CACNB4: variants seen among roughly 807,000 people sequenced by gnomAD.
CACNB4 encodes voltage-dependent L-type calcium channel subunit beta-4.
In CACNB4, 32 loss-of-function variants were observed where a neutral mutation model predicts 71.2. That is an observed-to-expected ratio of 0.45 (90% CI 0.34 to 0.60). The LOEUF (loss-of-function observed/expected upper bound fraction) is 0.60. CACNB4 is among the 20% of genes least tolerant of loss of function. The pLI, the probability that CACNB4 is intolerant of heterozygous loss-of-function variation, is 0.01. For synonymous variants in CACNB4, 231 were observed against 236.9 expected (o/e 0.97, Z 0.23); for missense variants, 464 against 647.9 (o/e 0.72, Z 3.08).
chr2:152,029,576 A>T (rs1401709253), intron 2 of CACNB4, among the ~76,000 whole-genome samples: 1 of 152,062 alleles, frequency 6.6e-6, no homozygotes, highest in Non-Finnish European at 1.5e-5. Flanking sequence ...ACATGAAGAC[A>T]CAGCAGGAAG....
intron 2 of CACNB4, among the ~76,000 whole-genome samples, chr2:151,927,196 C>T (rs1479675715): frequency 1.3e-5 from 2 of 152,062 alleles, no homozygotes; most frequent in African/African-American, 4.8e-5. Flanking sequence ...GATTTTCTAA[C>T]ATGGGAGAAA....
intron 2 of CACNB4, among the ~76,000 whole-genome samples, chr2:151,952,415 G>A (rs1454964349): frequency 6.6e-6 from 1 of 152,104 alleles, no homozygotes; most frequent in Admixed American, 6.5e-5. Context: ...GCACAATCTA[G>A]AAAAGACTCT....
chr2:151,943,869 A>T (rs2099864879), intron 2 of CACNB4, among the ~76,000 whole-genome samples: 1 of 152,138 alleles, frequency 6.6e-6, no homozygotes, highest in South Asian at 2.1e-4. Context: ...ATTATTAGAG[A>T]CTCCAATTTT....
intron 2 of CACNB4, among the ~76,000 whole-genome samples, chr2:151,928,161 G>C (rs985877632): frequency 2.0e-5 from 3 of 152,156 alleles, no homozygotes; most frequent in African/African-American, 7.2e-5. Flanking sequence ...AGTATGAACA[G>C]CTATCTATTT....
At chr2:151,956,140 T>A (rs62175749) in intron 2 of CACNB4, among the ~76,000 whole-genome samples, 4,381 of 152,354 alleles carry the variant, frequency 0.029, 64 homozygotes, top group African/African-American at 0.039. Context: ...AAACACCTTG[T>A]ATCTTCGATA....
chr2:151,950,138 A>C (rs2099866574), intron 2 of CACNB4, among the ~76,000 whole-genome samples: 2 of 152,168 alleles, frequency 1.3e-5, no homozygotes, highest in Admixed American at 1.3e-4. Flanking sequence ...ACAAGGCCAG[A>C]GAGATAGAGA....
intron 2 of CACNB4, among the ~76,000 whole-genome samples, chr2:151,941,767 A>G (rs748380668): frequency 2.0e-5 from 3 of 152,216 alleles, no homozygotes; most frequent in Non-Finnish European, 4.4e-5. Flanking sequence ...AAACAATGCA[A>G]AGCACCTTAA....
intron 2 of CACNB4, among the ~76,000 whole-genome samples, chr2:152,007,600 T>C (rs1001514179): frequency 6.6e-6 from 1 of 152,356 alleles, no homozygotes. Context: ...TATCCTACAT[T>C]TTCTTTAGCC....
intron 2 of CACNB4, among the ~76,000 whole-genome samples, chr2:152,005,908 AATAT>A (rs750269977): frequency 2.0e-5 from 3 of 152,224 alleles, no homozygotes; most frequent in Non-Finnish European, 4.4e-5. Flanking sequence ...TGAAGGAGAT[AATAT>A]ATGCAAAATG....
At chr2:151,936,516 T>C (rs1462240852) in intron 2 of CACNB4, 1 of 152,258 alleles carries the variant, frequency 6.6e-6, no homozygotes, top group East Asian at 1.9e-4. Context: ...TAAAAGGCTG[T>C]GTCATGTTGT....
Position 152,098,428 on chromosome 2 carries a change from CG to C in CACNB4, c.64-16del, listed in dbSNP as rs571944994. Reference sequence around the variant, plus strand: ...CCTCGGGCCACCTGGACTCGACACACGGGGGCCAGAGAGAAGCCGGTGAGGA... The same window carrying C: ...CCTCGGGCCACCTGGACTCGACACACGGGGCCAGAGAGAAGCCGGTGAGGA... On this transcript the variant is annotated splice_polypyrimidine_tract_variant and intron_variant, in intron 1 of 13. Coordinates refer to ENST00000539935, the MANE Select transcript of CACNB4 (RefSeq NM_000726.5). The surrounding 1 kb of genome is among the most constrained non-coding windows in gnomAD (Gnocchi z 5.3). 3 of 1,605,800 alleles carry C rather than the reference CG, an allele frequency of 1.9e-6. No homozygotes were observed. Among genetic ancestry groups the C allele is most frequent in the South Asian group, 1.1e-5 (1 of 90,904 alleles).
intron 2 of CACNB4, among the ~76,000 whole-genome samples, chr2:152,058,689 A>C (rs1035634169): frequency 6.6e-6 from 1 of 152,154 alleles, no homozygotes; most frequent in African/African-American, 2.4e-5. Context: ...GAGAAGAAAA[A>C]CCCATTTTCT....
At chr2:152,074,399 C>T (rs904120460) in intron 2 of CACNB4, among the ~76,000 whole-genome samples, 1 of 151,828 alleles carries the variant, frequency 6.6e-6, no homozygotes, top group African/African-American at 2.4e-5. Context: ...ACCAACATCA[C>T]CATCATCACC....
At chr2:152,003,444 TAA>T (rs763364867) in intron 2 of CACNB4, among the ~76,000 whole-genome samples, 13 of 139,196 alleles carry the variant, frequency 9.3e-5, no homozygotes, top group Non-Finnish European at 9.4e-5. Context: ...AGATTCCATC[TAA>T]AAAAAAAAAA....
intron 9 of CACNB4, among the ~76,000 whole-genome samples, chr2:151,864,289 C>A (rs1357339306): frequency 3.3e-5 from 5 of 152,198 alleles, no homozygotes; most frequent in African/African-American, 4.8e-5. Context: ...TGAAAACTAG[C>A]AAACATCATT....
At chr2:152,073,887 G>A (rs552057630) in intron 2 of CACNB4, among the ~76,000 whole-genome samples, 1 of 152,248 alleles carries the variant, frequency 6.6e-6, no homozygotes, top group Admixed American at 6.5e-5. Context: ...CTAGCTTCTA[G>A]GTGAAAAGCA....
rs1685152778 is a variant in CACNB4 at position 152,046,604 on chromosome 2, A to G, written c.147+51726T>C. Among the ~76,000 whole-genome samples the G allele has an allele frequency of 3.3e-5, 5 of 151,918 alleles. No homozygotes were observed. The South Asian group carries it at 1.0e-3, about 32-fold the overall frequency. On this transcript the variant is annotated intron_variant, in intron 2 of 13. Transcript: ENST00000539935. The stretch of plus-strand genomic sequence containing the variant: ...CAGAGTTCTATCTATTCAGCACTAC[A>G]CTTTGACCACTGGAAGTCCACACCT...
At position 151,839,231 on chromosome 2, in the gene CACNB4, T is replaced by G; in HGVS notation, c.1451A>C (p.His484Pro). ...LSSSSQHSRD[H>P]YPLVEEDYPD... Reference sequence around the variant, plus strand: ...GTAATCTTCTTCCACAAGAGGGTAATGATCTCGGCTATGCTGAGAACTGGA... The same window carrying G: ...GTAATCTTCTTCCACAAGAGGGTAAGGATCTCGGCTATGCTGAGAACTGGA... Residue 484 changes from histidine (H) to proline (P), a missense_variant, in exon 14 of 14, where the codon CAT (histidine) becomes CCT (proline). Physicochemically the swap from His to Pro is moderately conservative, Grantham distance 77 (BLOSUM62 -2). Coordinates refer to ENST00000539935, the MANE Select transcript of CACNB4 (RefSeq NM_000726.5). The G allele has an allele frequency of 6.2e-7, 1 of 1,613,606 alleles. No homozygotes were observed. Among genetic ancestry groups the G allele is most frequent in the South Asian group, 1.1e-5 (1 of 91,052 alleles).
chr2:152,019,243 T>C (rs113261240), intron 2 of CACNB4, among the ~76,000 whole-genome samples: 130 of 152,316 alleles, frequency 8.5e-4, no homozygotes, highest in Non-Finnish European at 1.6e-3. Context: ...TTCAGTAAAA[T>C]TGGATGATAG....
Sources: gnomAD v4.1 joint callset for allele counts (sites outside exome capture counted in the v4.1 genomes callset) on GRCh38, gnomAD v4.1.1 for gene constraint, Gnocchi (gnomAD v3.1) non-coding constraint, MANE v1.5 for transcripts, NCBI Gene and HGNC (gene_info 2026-07-23, HGNC 2026-07-21) for gene names.